Variants in FCRLB observed in about 807,000 individuals in gnomAD.
The protein encoded by FCRLB is Fc receptor like B.
FCRLB carries 34 observed loss-of-function variants against 33.6 expected under a neutral mutation model. That is an observed-to-expected ratio of 1.01 (90% CI 0.77 to 1.35). The LOEUF (loss-of-function observed/expected upper bound fraction) is 1.35. Ranked by LOEUF, FCRLB falls within the 40% of genes most tolerant of loss-of-function variation. The pLI is 0.00. For synonymous variants in FCRLB, 280 were observed against 255.9 expected, an observed-to-expected ratio of 1.09 and a Z score of -0.90; for missense variants, 560 against 580.2, an observed-to-expected ratio of 0.97 and a Z score of 0.36.
At chr1:161,722,923 G>C in intron 3 of FCRLB, 66 bp from the exon 4 acceptor site, 1 of 1,604,900 alleles carries the variant, frequency 6.2e-7, no homozygotes. Flanking sequence ...TTGTCGTCAA[G>C]AGTCTCTCTC....
At chr1:161,722,742 TGGA>T in intron 3 of FCRLB, 39 bp downstream of exon 3, 1 of 1,612,198 alleles carries the variant, frequency 6.2e-7, no homozygotes, top group Non-Finnish European at 8.5e-7. Flanking sequence ...CTTTGGGTGG[TGGA>T]GAATAGGGTG....
At chr1:161,723,109 G>A (rs1250022980) in intron 4 of FCRLB, 100 bp downstream of exon 4, 1 of 1,458,314 alleles carries the variant, frequency 6.9e-7, no homozygotes, top group Non-Finnish European at 9.6e-7. Context: ...GCTGCGCTGG[G>A]ATAGTGTCTC....
chr1:161,727,419 C>T (rs1330014953), exon 8 of FCRLB: 1 of 1,613,176 alleles, frequency 6.2e-7, no homozygotes, highest in Non-Finnish European at 8.5e-7. Flanking sequence ...CGAGCGGCGC[C>T]CCGACTGCGG....
intron 5 of FCRLB, 111 bp downstream of exon 5, chr1:161,723,732 A>T (rs1683451236): frequency 2.7e-6 from 4 of 1,465,260 alleles, no homozygotes; most frequent in Non-Finnish European, 3.7e-6. Flanking sequence ...AACAAGGGCC[A>T]CACTGGGGCC....
chr1:161,724,164 G>C (rs1683466169), intron 5 of FCRLB, among the ~76,000 whole-genome samples: 1 of 152,196 alleles, frequency 6.6e-6, no homozygotes, highest in Admixed American at 6.5e-5. Flanking sequence ...AGCAGCAATT[G>C]AACTGAGCAC....
At chr1:161,722,599 C>T (rs1683405334) in intron 2 of FCRLB, 54 bp from the exon 3 acceptor site, 2 of 1,572,454 alleles carry the variant, frequency 1.3e-6, no homozygotes, top group Admixed American at 3.4e-5. Context: ...CCACTGGCCA[C>T]ATTCTTTCTC....
Position 161,722,854 on chromosome 1 carries a change from G to A in FCRLB, c.32-135G>A, listed in dbSNP as rs545227839. 253 of 1,498,402 alleles carry A rather than the reference G, an allele frequency of 1.7e-4. 1 individual carries two copies. The South Asian group carries it at 2.9e-3, about 17-fold the overall frequency. The allele number at this position is 1,498,402 out of a possible 1,614,324, so 92.8% of individuals were successfully genotyped here. On this transcript the variant is annotated intron_variant, in intron 3 of 7. Coordinates refer to ENST00000367948, the Ensembl canonical transcript of FCRLB. ...GGGTGAAGAAGAAGGGGCTTTCTCA[G>A]AGCTTGGGAAACCAGGGGCAGAAGA...
intron 5 of FCRLB, among the ~76,000 whole-genome samples, chr1:161,723,998 C>T (rs1683460277): frequency 6.6e-6 from 1 of 152,126 alleles, no homozygotes; most frequent in Admixed American, 6.5e-5. Flanking sequence ...GTTTCCCTGG[C>T]AGTCTGAGCA....
Position 161,723,528 on chromosome 1 carries a change from A to T in FCRLB, c.214A>T (p.Lys72Ter), listed in dbSNP as rs376950725. 4 of 1,614,010 alleles carry T rather than the reference A, an allele frequency of 2.5e-6. No homozygotes were observed. In the African/African-American group the frequency reaches 5.3e-5, roughly 22 times the overall value. The change falls in exon 5 of 8, where the codon AAG becomes TAG. Residue 72 changes from lysine (K) to a stop codon, truncating the protein, a stop_gained. Transcript: ENST00000367948. LOFTEE classifies it high-confidence loss of function. Reference sequence around the variant, plus strand: ...GGGCCACCTACTTCTGCCCTCTCACAAGAAGAGCATTGAGGTGCAGACACC... The same window carrying T: ...GGGCCACCTACTTCTGCCCTCTCACTAGAAGAGCATTGAGGTGCAGACACC...
intron 3 of FCRLB, 74 bp from the exon 4 acceptor site, chr1:161,722,915 G>C: frequency 6.3e-7 from 1 of 1,598,970 alleles, no homozygotes; most frequent in Non-Finnish European, 8.6e-7. Flanking sequence ...AGCCTTTCTT[G>C]TCGTCAAGAG....
Position 161,722,817 on chromosome 1 carries a change from C to T in FCRLB, c.31+114C>T, listed in dbSNP as rs902741101. 7 of 1,516,638 alleles carry T rather than the reference C, an allele frequency of 4.6e-6. No homozygotes were observed. The African/African-American group carries it at 6.9e-5, about 15-fold the overall frequency. 93.9% of individuals were successfully genotyped at this position (1,516,638 alleles called of 1,614,324 possible). On this transcript the variant is annotated intron_variant, in intron 3 of 7. Coordinates refer to ENST00000367948, the Ensembl canonical transcript of FCRLB. ...CCTCAGTTTCCAAGTGGTTCATTAT[C>T]TTTTTTTGGAGGGGTGAAGAAGAAG...
chr1:161,727,055 G>T, intron 7 of FCRLB, 62 bp downstream of exon 7: 1 of 1,422,050 alleles, frequency 7.0e-7, no homozygotes, highest in Non-Finnish European at 9.2e-7. Context: ...TCCGCCTCTC[G>T]GCACCCACGA....
In FCRLB at chr1:161,726,337, G is replaced by T. The variant is rs754745593; in HGVS notation, c.574+250G>T. On this transcript the variant is annotated intron_variant, in intron 6 of 7. Coordinates refer to ENST00000367948, the Ensembl canonical transcript of FCRLB. This position sits in a 1 kb window ranked among gnomAD's most constrained non-coding sequence, Gnocchi z 5.2. ...TCTGGCTGGGGACTCCCACAGAGAGGGCAGCTCTGGCAGGGGCAGGGGCCA... is the reference window on the plus strand; with the variant it reads ...TCTGGCTGGGGACTCCCACAGAGAGTGCAGCTCTGGCAGGGGCAGGGGCCA... 3.9e-6 allele frequency: 3 copies of T among 764,242 alleles called. No homozygotes were observed. The highest frequency in any genetic ancestry group is 6.8e-6 in the Non-Finnish European group (3 of 443,404). 47.3% of individuals were successfully genotyped at this position (764,242 alleles called of 1,614,324 possible).
At chr1:161,723,083 G>C (rs573729680) in intron 4 of FCRLB, 74 bp downstream of exon 4, 1 of 1,554,280 alleles carries the variant, frequency 6.4e-7, no homozygotes, top group South Asian at 1.1e-5. Flanking sequence ...TTTTCAAGTA[G>C]ACTCCTCACT....
At chr1:161,723,262 C>T in intron 4 of FCRLB, 105 bp from the exon 5 acceptor site, 12 of 1,412,530 alleles carry the variant, frequency 8.5e-6, no homozygotes, top group Admixed American at 1.8e-5. Context: ...CTGGGGCCTG[C>T]GAGCTGGGGT....
At chr1:161,724,240 G>A (rs1355643243) in intron 5 of FCRLB, among the ~76,000 whole-genome samples, 3 of 152,118 alleles carry the variant, frequency 2.0e-5, no homozygotes, top group Non-Finnish European at 4.4e-5. Context: ...ACTGATTCTC[G>A]AGATGCTTGA....
chr1:161,723,213 T>C (rs4657093), intron 4 of FCRLB, among the ~76,000 whole-genome samples, 154 bp from the exon 5 acceptor site: 27,502 of 152,026 alleles, frequency 0.18, 2,848 homozygotes, highest in Admixed American at 0.31. Flanking sequence ...ACCCAATGAA[T>C]GTGATCTCCT....
In FCRLB at chr1:161,726,434, T is replaced by C. The variant is rs779322287; in HGVS notation, c.575-269T>C. On this transcript the variant is annotated intron_variant, in intron 6 of 7. Transcript: ENST00000367948. The surrounding 1 kb of genome is among the most constrained non-coding windows in gnomAD (Gnocchi z 5.2). ...AGGCGCAGCGTCTCCTATTCTAGGC[T>C]GCAGAACCCGAGCTGAGTGTCAGTC... 2.8e-6 allele frequency: 2 copies of C among 722,218 alleles called. No homozygotes were observed. Among genetic ancestry groups the C allele is most frequent in the South Asian group, 3.0e-5 (2 of 67,118 alleles). 44.7% of individuals were successfully genotyped at this position (722,218 alleles called of 1,614,324 possible).
chr1:161,723,440 G>A, exon 5 of FCRLB: 3 of 1,614,152 alleles, frequency 1.9e-6, no homozygotes, highest in African/African-American at 2.7e-5. Flanking sequence ...GGGTAACTTT[G>A]AAGTGTGATG....
Sources: allele counts gnomAD v4.1 joint callset (sites outside exome capture counted in the v4.1 genomes callset), GRCh38; gene constraint gnomAD v4.1.1; non-coding constraint Gnocchi (gnomAD v3.1); transcripts MANE v1.5; gene names NCBI Gene and HGNC (gene_info 2026-07-23, HGNC 2026-07-21).